CDH17: variants seen among roughly 807,000 people sequenced by gnomAD.
The protein encoded by CDH17 is cadherin-17.
A neutral mutation model predicts 86.3 loss-of-function variants in CDH17; 67 were observed. That is an observed-to-expected ratio of 0.78 (90% CI 0.64 to 0.95). CDH17 has a LOEUF of 0.95. Ranked by LOEUF, CDH17 falls within the 40% of genes least tolerant of loss-of-function variation. CDH17 has a pLI of 0.00. For synonymous variants in CDH17, 367 were observed against 366.4 expected, an observed-to-expected ratio of 1.00 and a Z score of -0.02; for missense variants, 993 against 1,017.6, an observed-to-expected ratio of 0.98 and a Z score of 0.33.
intron 1 of CDH17, among the ~76,000 whole-genome samples, chr8:94,216,899 C>T (rs1384250991): frequency 6.6e-6 from 1 of 152,182 alleles, no homozygotes; most frequent in Non-Finnish European, 1.5e-5. Flanking sequence ...AGCCTGGCAG[C>T]AGTCATTCTT....
intron 3 of CDH17, among the ~76,000 whole-genome samples, chr8:94,180,171 G>T (rs968476079): frequency 6.6e-6 from 1 of 152,016 alleles, no homozygotes; most frequent in African/African-American, 2.4e-5. Flanking sequence ...ATAAGAGGGT[G>T]TTCAAAAGCA....
chr8:94,175,186 C>A (rs2446865), intron 5 of CDH17, among the ~76,000 whole-genome samples: 28,359 of 152,122 alleles, frequency 0.19, 3,273 homozygotes, highest in Non-Finnish European at 0.25. Flanking sequence ...TATAACCCAC[C>A]TGTCTAAAAG....
At chr8:94,207,113 T>C (rs1814043691) in intron 1 of CDH17, among the ~76,000 whole-genome samples, 1 of 152,226 alleles carries the variant, frequency 6.6e-6, no homozygotes. Flanking sequence ...TAAAATGCTA[T>C]ATATATAGCA....
chr8:94,177,657 A>T lies in CDH17; in HGVS notation c.215T>A (p.Ile72Lys). 6.2e-7 allele frequency: 1 copy of T among 1,613,806 alleles called. No homozygotes were observed. Among genetic ancestry groups the T allele is most frequent in the Non-Finnish European group, 8.5e-7 (1 of 1,179,750 alleles). ...GTAATACAGAAGTCCCTCCCGTTCT[A>T]TCACAAATATGTTGTCTGTCTCCCC... ...LTGETDNIFV[I>K]EREGLLYYNR... Residue 72 changes from isoleucine (I) to lysine (K), a missense_variant, in exon 4 of 18, where the codon ATA (isoleucine) becomes AAA (lysine). Ile to Lys is a moderately radical substitution (Grantham distance 102, BLOSUM62 -3). Transcript: ENST00000027335.
In CDH17 at chr8:94,170,545, A is replaced by C; in HGVS notation, c.918T>G (p.Tyr306Ter). The change falls in exon 9 of 18, where the codon TAT becomes TAG. Residue 306 changes from tyrosine to a stop codon, truncating the protein, a stop_gained and splice_region_variant. Transcript: ENST00000027335. LOFTEE classifies it high-confidence loss of function. ...QPLDREEKDAYVFYAVAKDEY... is the reference protein window; with the variant it reads ...QPLDREEKDA ...CATCCTTTGCAACTGCATAAAAAAC[A>C]TACTACAACAGGAAAGTCAGAGTTA... The C allele has an allele frequency of 6.2e-7, 1 of 1,613,656 alleles. No homozygotes were observed. The highest frequency in any genetic ancestry group is 8.5e-7 in the Non-Finnish European group (1 of 1,179,730).
intron 2 of CDH17, among the ~76,000 whole-genome samples, chr8:94,189,774 A>G (rs1813650960): frequency 6.6e-6 from 1 of 152,240 alleles, no homozygotes; most frequent in African/African-American, 2.4e-5. Context: ...GAAAGAAAAT[A>G]TAGACGTATT....
At chr8:94,195,962 G>C (rs187185453) in intron 1 of CDH17, among the ~76,000 whole-genome samples, 1 of 151,726 alleles carries the variant, frequency 6.6e-6, no homozygotes, top group Non-Finnish European at 1.5e-5. Flanking sequence ...GGGTTTTGCC[G>C]TGTTAGCCAC....
intron 1 of CDH17, among the ~76,000 whole-genome samples, chr8:94,205,697 T>A (rs1310225538): frequency 6.7e-6 from 1 of 150,346 alleles, no homozygotes; most frequent in Non-Finnish European, 1.5e-5. Flanking sequence ...CATGAATTGT[T>A]TTTTTTTTTA....
intron 7 of CDH17, among the ~76,000 whole-genome samples, chr8:94,172,383 C>T (rs181327377): frequency 3.3e-5 from 5 of 151,828 alleles, no homozygotes; most frequent in Admixed American, 3.3e-4. Context: ...GTCCCTGGGC[C>T]CATCCCAATA....
At chr8:94,134,332 G>A (rs537484380) in intron 15 of CDH17, among the ~76,000 whole-genome samples, 392 of 152,184 alleles carry the variant, frequency 2.6e-3, no homozygotes, top group African/African-American at 8.9e-3. Context: ...CAATTTCAGA[G>A]CCTGTTATTG....
At chr8:94,194,114 C>T (rs1335761214) in intron 2 of CDH17, among the ~76,000 whole-genome samples, 3 of 152,206 alleles carry the variant, frequency 2.0e-5, no homozygotes, top group Admixed American at 6.5e-5. Context: ...TATCCAGCTC[C>T]GAGCTCTAGA....
At chr8:94,198,985 G>A (rs993064232) in intron 1 of CDH17, among the ~76,000 whole-genome samples, 11 of 145,018 alleles carry the variant, frequency 7.6e-5, no homozygotes, top group African/African-American at 2.9e-4. Context: ...CTTCCTTCAT[G>A]AAATCTTCCT....
chr8:94,190,577 A>C (rs910263032), intron 2 of CDH17, among the ~76,000 whole-genome samples: 11 of 152,216 alleles, frequency 7.2e-5, no homozygotes, highest in African/African-American at 2.7e-4. Context: ...TGTGGAAATC[A>C]GGGGTGAAAG....
At chr8:94,206,173 A>C (rs1251398190) in intron 1 of CDH17, among the ~76,000 whole-genome samples, 1 of 152,092 alleles carries the variant, frequency 6.6e-6, no homozygotes, top group East Asian at 1.9e-4. Context: ...AGTGAAAAAA[A>C]AAAATCAACT....
chr8:94,189,354 G>T, intron 2 of CDH17, 69 bp from the exon 3 acceptor site: 2 of 1,089,178 alleles, frequency 1.8e-6, no homozygotes, highest in Non-Finnish European at 2.7e-6. Flanking sequence ...ATTTTATTAG[G>T]GCTTCCAGCA....
chr8:94,148,497 G>A (rs58565784), intron 14 of CDH17, among the ~76,000 whole-genome samples: 19,280 of 126,670 alleles, frequency 0.15, 1,342 homozygotes, highest in East Asian at 0.28. Flanking sequence ...AGTGGAGATC[G>A]CACCACTGCA....
intron 1 of CDH17, among the ~76,000 whole-genome samples, chr8:94,203,755 T>G (rs536759735): frequency 1.3e-4 from 20 of 152,220 alleles, no homozygotes; most frequent in African/African-American, 4.3e-4. Context: ...TGCCTCACAC[T>G]TCAAACAGAT....
intron 14 of CDH17, among the ~76,000 whole-genome samples, chr8:94,147,006 C>T (rs2130594045): frequency 6.6e-6 from 1 of 152,238 alleles, no homozygotes; most frequent in African/African-American, 2.4e-5. Context: ...GAAGAAAAGG[C>T]CACTGTGTTC....
intron 2 of CDH17, among the ~76,000 whole-genome samples, chr8:94,192,147 G>A (rs747745773): frequency 6.6e-6 from 1 of 152,192 alleles, no homozygotes; most frequent in East Asian, 1.9e-4. Flanking sequence ...AGGGTTCAAA[G>A]TTGCGTGCTT....
Sources: allele counts gnomAD v4.1 joint callset (sites outside exome capture counted in the v4.1 genomes callset), GRCh38; gene constraint gnomAD v4.1.1; transcripts MANE v1.5; gene names NCBI Gene and HGNC (gene_info 2026-07-23, HGNC 2026-07-21).